KRT7: variants seen among roughly 807,000 people sequenced by gnomAD.
KRT7 encodes the protein keratin 7.
A neutral mutation model predicts 42.8 loss-of-function variants in KRT7; 50 were observed. The ratio of observed to expected loss-of-function variants is 1.17; its 90% CI spans 0.93 to 1.48. The LOEUF (loss-of-function observed/expected upper bound fraction) is 1.48, where lower values mean the gene tolerates loss of function less well. Ranked by LOEUF, KRT7 falls within the 40% of genes most tolerant of loss-of-function variation. The probability of loss-of-function intolerance (pLI) is 0.00; values close to 1 mark genes in which losing one functional copy is unlikely to be tolerated. For missense variants in KRT7, 588 were observed against 637.6 expected (o/e 0.92, Z 0.84); for synonymous variants, 268 against 266.3 (o/e 1.01, Z -0.06).
At chr12:52,242,508 G>A (rs1427763902) in intron 5 of KRT7, among the ~76,000 whole-genome samples, 3 of 152,132 alleles carry the variant, frequency 2.0e-5, no homozygotes, top group Non-Finnish European at 4.4e-5. Flanking sequence ...AAGGGATCCC[G>A]AGGCAAGGAT....
rs762597350 is a variant in KRT7, at chr12:52,235,322, G to A, written c.492G>A (p.Ala164=). 17 of 1,613,592 alleles carry A rather than the reference G, an allele frequency of 1.1e-5. No homozygotes were observed. The highest frequency in any genetic ancestry group is 6.6e-5 in the South Asian group (6 of 91,048). The change falls in exon 2 of 9, where the codon GCG becomes GCA. Residue 164 remains alanine, a synonymous_variant. Coordinates refer to ENST00000331817, the MANE Select transcript of KRT7 (RefSeq NM_005556.4). ...ALQVDGGRLE[A]ELRSMQDVVE... Reference sequence around the variant, plus strand: ...AGGTGGATGGGGGCCGCCTGGAGGCGGAGCTGCGGAGCATGCAGGATGTGG... The same window carrying A: ...AGGTGGATGGGGGCCGCCTGGAGGCAGAGCTGCGGAGCATGCAGGATGTGG...
At chr12:52,255,742 TCTTA>T (rs1165138199), downstream of KRT7, among the ~76,000 whole-genome samples, 1 of 152,194 alleles carries the variant, frequency 6.6e-6, no homozygotes, top group Admixed American at 6.5e-5. Flanking sequence ...TTCTCCTCCT[TCTTA>T]CTTCCTTACT....
At position 52,236,430 on chromosome 12, in the gene KRT7, G is replaced by A. The variant is rs376018334; in HGVS notation, c.536+1064G>A. 2.6e-4 allele frequency among the ~76,000 whole-genome samples: 39 copies of A among 152,076 alleles called. 2 individuals are homozygous for A. In the East Asian group the frequency reaches 6.4e-3, roughly 25 times the overall value. Reference sequence around the variant, plus strand: ...GGAGCCAGTCTGAGATCCAGGCTGGGACTGAAAGAGGAACTGGAAGGGAGT... The same window carrying A: ...GGAGCCAGTCTGAGATCCAGGCTGGAACTGAAAGAGGAACTGGAAGGGAGT... On this transcript the variant is annotated intron_variant, in intron 2 of 8. Coordinates refer to ENST00000331817, the MANE Select transcript of KRT7 (RefSeq NM_005556.4).
intron 7 of KRT7, 56 bp from the exon 8 acceptor site, chr12:52,248,121 C>A: frequency 6.5e-7 from 1 of 1,542,606 alleles, no homozygotes; most frequent in Non-Finnish European, 9.0e-7. Context: ...GGGCTGAGAG[C>A]GCTTCCCTCC....
downstream of KRT7, among the ~76,000 whole-genome samples, chr12:52,251,018 C>T (rs1324710799): frequency 6.6e-6 from 1 of 152,172 alleles, no homozygotes; most frequent in Non-Finnish European, 1.5e-5. Context: ...CTCTCTCTAT[C>T]GCCCAGACTG....
chr12:52,248,060 T>G lies in KRT7; in HGVS notation c.1206-117T>G, dbSNP rs925559175. ...CAAGGCTGAAGGCAGGCTGGAAGTG[T>G]GGGGCAAGAAGGAAAAATCAATGAT... On this transcript the variant is annotated intron_variant, in intron 7 of 8. Transcript: ENST00000331817. The G allele has an allele frequency of 2.8e-5, 27 of 970,700 alleles. No individual in the cohort carries two copies. The African/African-American group carries it at 3.9e-4, about 14-fold the overall frequency. The allele number at this position is 970,700 out of a possible 1,614,324, so 60.1% of individuals were successfully genotyped here.
At chr12:52,235,783 G>T (rs540926901) in intron 2 of KRT7, among the ~76,000 whole-genome samples, 1 of 152,330 alleles carries the variant, frequency 6.6e-6, no homozygotes, top group South Asian at 2.1e-4. Flanking sequence ...GAAGTTTAGG[G>T]ACTTGGTTGA....
At chr12:52,237,762 G>GTGTGTGTGTGT in intron 3 of KRT7, 193 bp downstream of exon 3, 2 of 419,638 alleles carry the variant, frequency 4.8e-6, no homozygotes, top group Non-Finnish European at 8.4e-6. Context: ...GTGTGTGTGT[G>GTGTGTGTGTGT]GTGACTGATT....
chr12:52,242,878 G>A (rs1942114685), intron 5 of KRT7, 134 bp from the exon 6 acceptor site: 1 of 1,025,834 alleles, frequency 9.7e-7, no homozygotes, highest in Non-Finnish European at 1.4e-6. Flanking sequence ...CCTGGCATCG[G>A]GCAAAGGTTG....
downstream of KRT7, chr12:52,254,209 G>A (rs1353805110): frequency 3.1e-6 from 2 of 648,592 alleles, no homozygotes; most frequent in East Asian, 4.0e-5. Flanking sequence ...ATGGTGACAA[G>A]TATTTTCCAA....
At chr12:52,249,788 G>A (rs1477768372), downstream of KRT7, among the ~76,000 whole-genome samples, 1 of 152,136 alleles carries the variant, frequency 6.6e-6, no homozygotes, top group African/African-American at 2.4e-5. Flanking sequence ...GGGGAGCTAT[G>A]TGGGATGTGT....
At position 52,243,116 on chromosome 12, in the gene KRT7, G is replaced by A. The variant is rs1364850987; in HGVS notation, c.963G>A (p.Glu321=). 6.2e-7 allele frequency: 1 copy of A among 1,613,196 alleles called. No homozygotes were observed. Among genetic ancestry groups the A allele is most frequent in the Admixed American group, 1.7e-5 (1 of 59,924 alleles). The change falls in exon 6 of 9, where the codon GAG becomes GAA. Residue 321 remains glutamate (E), a synonymous_variant. Transcript: ENST00000331817. ...MNRAIQRLQA[E]IDNIKNQRAK... ...GGGCCATCCAGAGGCTGCAGGCTGAGATCGACAACATCAAGAACCAGGTGG... is the reference window on the plus strand; with the variant it reads ...GGGCCATCCAGAGGCTGCAGGCTGAAATCGACAACATCAAGAACCAGGTGG...
chr12:52,235,264 T>C lies in KRT7; in HGVS notation c.434T>C (p.Ile145Thr). ...SRLPDIFEAQ[I>T]AGLRGQLEAL... The stretch of plus-strand genomic sequence containing the variant: ...CTCCCAGACATCTTTGAGGCCCAGA[T>C]TGCTGGCCTTCGGGGTCAGCTTGAG... Residue 145 changes from isoleucine (I) to threonine (T), a missense_variant, in exon 2 of 9, where the codon ATT (isoleucine) becomes ACT (threonine). Physicochemically the swap from Ile to Thr is moderately conservative, Grantham distance 89. Coordinates refer to ENST00000331817, the MANE Select transcript of KRT7 (RefSeq NM_005556.4). 6.2e-7 allele frequency: 1 copy of C among 1,614,188 alleles called. No homozygotes were observed. The highest frequency in any genetic ancestry group is 8.5e-7 in the Non-Finnish European group (1 of 1,180,004).
chr12:52,253,860 T>G (rs1172700377), downstream of KRT7: 1 of 446,438 alleles, frequency 2.2e-6, no homozygotes, highest in East Asian at 6.3e-5. Context: ...TTTCCCTGCT[T>G]CTTCGATGTC....
At chr12:52,245,306 G>A in intron 6 of KRT7, 106 bp from the exon 7 acceptor site, 1 of 1,061,256 alleles carries the variant, frequency 9.4e-7, no homozygotes, top group Non-Finnish European at 1.4e-6. Flanking sequence ...AGTAGGTGGT[G>A]CCAATGAAGC....
At chr12:52,235,393 G>T in intron 2 of KRT7, 27 bp downstream of exon 2, 1 of 1,577,276 alleles carries the variant, frequency 6.3e-7, no homozygotes, top group South Asian at 1.2e-5. Flanking sequence ...CACATGCGAA[G>T]ACCCCTGCCC....
chr12:52,235,689 C>T (rs1226533823), intron 2 of KRT7, among the ~76,000 whole-genome samples: 69 of 152,188 alleles, frequency 4.5e-4, no homozygotes, highest in Admixed American at 4.5e-3. Flanking sequence ...TGTCTTCTGA[C>T]AGGGGTGCTT....
At chr12:52,252,907 G>A (rs558884677), downstream of KRT7, among the ~76,000 whole-genome samples, 1 of 152,304 alleles carries the variant, frequency 6.6e-6, no homozygotes, top group African/African-American at 2.4e-5. Flanking sequence ...GAGGTTAAAT[G>A]CCTTTCCCAA....
intron 2 of KRT7, among the ~76,000 whole-genome samples, chr12:52,235,966 A>C (rs1336684260): frequency 6.6e-6 from 1 of 152,204 alleles, no homozygotes; most frequent in Non-Finnish European, 1.5e-5. Flanking sequence ...GGCAGGAGCC[A>C]GAAGGAGGCT....
Sources: gnomAD v4.1 joint callset for allele counts (sites outside exome capture counted in the v4.1 genomes callset) on GRCh38, gnomAD v4.1.1 for gene constraint, MANE v1.5 for transcripts, NCBI Gene and HGNC (gene_info 2026-07-23, HGNC 2026-07-21) for gene names.